Variants in ADIPOR2 observed in about 807,000 individuals in gnomAD.
ADIPOR2 encodes adiponectin receptor protein 2.
ADIPOR2 carries 18 observed loss-of-function variants against 40.9 expected under a neutral mutation model. That is an observed-to-expected ratio of 0.44 (90% confidence interval 0.30 to 0.65). ADIPOR2 has a LOEUF of 0.65. Ranked by LOEUF, ADIPOR2 falls within the 30% of genes least tolerant of loss-of-function variation. The probability of loss-of-function intolerance (pLI) is 0.09; values close to 1 mark genes in which losing one functional copy is unlikely to be tolerated. For synonymous variants in ADIPOR2, 165 were observed against 166.4 expected (o/e 0.99, Z 0.06); for missense variants, 283 against 479.2 (o/e 0.59, Z 3.82).
At chr12:1,715,857 C>A (rs2094686488) in intron 1 of ADIPOR2, among the ~76,000 whole-genome samples, 1 of 152,056 alleles carries the variant, frequency 6.6e-6, no homozygotes, top group African/African-American at 2.4e-5. Flanking sequence ...CAGTCAGCAC[C>A]CTGTAAAATG....
At chr12:1,693,290 C>T (rs907958579) in intron 1 of ADIPOR2, among the ~76,000 whole-genome samples, 8 of 151,996 alleles carry the variant, frequency 5.3e-5, no homozygotes, top group African/African-American at 1.4e-4. Flanking sequence ...CCTGTAACAC[C>T]TTATATTTAT....
intron 1 of ADIPOR2, among the ~76,000 whole-genome samples, chr12:1,748,107 C>T (rs1339791441): frequency 3.3e-5 from 5 of 151,992 alleles, no homozygotes; most frequent in Admixed American, 6.5e-5. Flanking sequence ...CTGTTGAGCC[C>T]CCCCACCCTT....
chr12:1,747,026 C>G (rs1426141022), intron 1 of ADIPOR2, among the ~76,000 whole-genome samples: 2 of 151,172 alleles, frequency 1.3e-5, no homozygotes, highest in Non-Finnish European at 2.9e-5. Flanking sequence ...CAGAGTAAGA[C>G]CTTGTCTCCC....
intron 1 of ADIPOR2, among the ~76,000 whole-genome samples, chr12:1,741,057 T>C (rs2094741812): frequency 6.6e-6 from 1 of 152,126 alleles, no homozygotes; most frequent in Non-Finnish European, 1.5e-5. Flanking sequence ...TTCAAAAGAA[T>C]AGTGAGTCAA....
intron 1 of ADIPOR2, among the ~76,000 whole-genome samples, chr12:1,732,529 G>A (rs1042781155): frequency 1.3e-5 from 2 of 152,186 alleles, no homozygotes; most frequent in African/African-American, 4.8e-5. Flanking sequence ...TTGTATGGAT[G>A]TGTACCACAG....
At chr12:1,692,038 G>C (rs928255820) in intron 1 of ADIPOR2, among the ~76,000 whole-genome samples, 7 of 150,466 alleles carry the variant, frequency 4.7e-5, no homozygotes, top group Non-Finnish European at 7.4e-5. Context: ...TTTGACTCTG[G>C]GTTTCTGAGC....
At chr12:1,710,502 G>A (rs1565632890) in intron 1 of ADIPOR2, among the ~76,000 whole-genome samples, 2 of 151,940 alleles carry the variant, frequency 1.3e-5, no homozygotes, top group Non-Finnish European at 2.9e-5. Flanking sequence ...TACAATTCAG[G>A]GGCTAAACAC....
At chr12:1,765,181 G>A (rs1862351671) in intron 2 of ADIPOR2, among the ~76,000 whole-genome samples, 1 of 152,032 alleles carries the variant, frequency 6.6e-6, no homozygotes, top group African/African-American at 2.4e-5. Context: ...GATAGAAATT[G>A]GCTATGAATT....
intron 1 of ADIPOR2, among the ~76,000 whole-genome samples, chr12:1,709,281 A>G (rs889774875): frequency 5.9e-5 from 9 of 152,152 alleles, no homozygotes; most frequent in African/African-American, 2.2e-4. Flanking sequence ...AGTTTCTCTC[A>G]GCAGTGTTTT....
intron 1 of ADIPOR2, among the ~76,000 whole-genome samples, chr12:1,708,928 C>T (rs1262240967): frequency 6.6e-6 from 1 of 152,076 alleles, no homozygotes; most frequent in Non-Finnish European, 1.5e-5. Flanking sequence ...CCATGTTGGC[C>T]AGGCTGGTCT....
intron 4 of ADIPOR2, chr12:1,778,236 T>C (rs1277275618): frequency 4.0e-6 from 2 of 495,836 alleles, no homozygotes; most frequent in South Asian, 2.9e-5. Context: ...TATTTCTTTC[T>C]ACTAGATTTT....
At chr12:1,727,768 C>T (rs1186068574) in intron 1 of ADIPOR2, among the ~76,000 whole-genome samples, 2 of 151,974 alleles carry the variant, frequency 1.3e-5, no homozygotes, top group Non-Finnish European at 2.9e-5. Context: ...CTTCTGAACT[C>T]ACCACTTTCC....
At chr12:1,733,336 A>G (rs1431699578) in intron 1 of ADIPOR2, among the ~76,000 whole-genome samples, 1 of 152,196 alleles carries the variant, frequency 6.6e-6, no homozygotes, top group Non-Finnish European at 1.5e-5. Context: ...AGTGTTGTTA[A>G]TTAAGGTTAT....
chr12:1,693,411 T>C (rs2094631401), intron 1 of ADIPOR2, among the ~76,000 whole-genome samples: 1 of 152,176 alleles, frequency 6.6e-6, no homozygotes, highest in African/African-American at 2.4e-5. Flanking sequence ...AAAGTAAAAG[T>C]TATTTACAAG....
intron 1 of ADIPOR2, among the ~76,000 whole-genome samples, chr12:1,715,902 C>T (rs1186160355): frequency 6.6e-6 from 1 of 152,136 alleles, no homozygotes; most frequent in Non-Finnish European, 1.5e-5. Context: ...GACCAATCAG[C>T]AGGACATGGA....
chr12:1,712,378 A>C (rs1310110531), intron 1 of ADIPOR2, among the ~76,000 whole-genome samples: 1 of 152,084 alleles, frequency 6.6e-6, no homozygotes, highest in African/African-American at 2.4e-5. Context: ...CTAGTGTGCC[A>C]TTTACATCAT....
intron 1 of ADIPOR2, among the ~76,000 whole-genome samples, chr12:1,752,955 T>C (rs569884121): frequency 6.6e-6 from 1 of 152,298 alleles, no homozygotes; most frequent in Admixed American, 6.5e-5. Flanking sequence ...GGTTTGGTAT[T>C]CTTTAGATTT....
intron 7 of ADIPOR2, among the ~76,000 whole-genome samples, chr12:1,784,829 G>A (rs769830571): frequency 1.3e-5 from 2 of 152,214 alleles, no homozygotes; most frequent in Non-Finnish European, 2.9e-5. Context: ...CGCTTAATGT[G>A]AAATCTGACC....
intron 3 of ADIPOR2, among the ~76,000 whole-genome samples, chr12:1,776,708 C>T (rs988478227): frequency 6.6e-6 from 1 of 152,240 alleles, no homozygotes; most frequent in South Asian, 2.1e-4. Flanking sequence ...GAGGAAAGGG[C>T]TCTGAGGGAC....
Sources: gnomAD v4.1 joint callset for allele counts (sites outside exome capture counted in the v4.1 genomes callset) on GRCh38, gnomAD v4.1.1 for gene constraint, MANE v1.5 for transcripts, NCBI Gene and HGNC (gene_info 2026-07-23, HGNC 2026-07-21) for gene names.